The following GANAB variants were observed in gnomAD, a reference collection of about 807,000 sequenced individuals.
GANAB encodes the protein neutral alpha-glucosidase AB.
GANAB carries 35 observed loss-of-function variants against 129.9 expected under a neutral mutation model. The observed-to-expected ratio is 0.27, with a 90% CI of 0.21 to 0.36. The LOEUF (loss-of-function observed/expected upper bound fraction) is 0.36, where lower values mean the gene tolerates loss of function less well. Ranked by LOEUF, GANAB falls within the 10% of genes least tolerant of loss-of-function variation. The pLI is 1.00. For synonymous variants in GANAB, 482 were observed against 451.8 expected, an observed-to-expected ratio of 1.07 and a Z score of -0.85; for missense variants, 939 against 1,221.0, an observed-to-expected ratio of 0.77 and a Z score of 3.44.
At chr11:62,632,805 C>A in intron 8 of GANAB, 60 bp from the exon 9 acceptor site, 1 of 1,301,040 alleles carries the variant, frequency 7.7e-7, no homozygotes, top group South Asian at 1.2e-5. Flanking sequence ...TATATGCTAA[C>A]ACCACTCCAC....
chr11:62,645,586 C>T (rs575729608), intron 1 of GANAB, among the ~76,000 whole-genome samples: 1 of 151,858 alleles, frequency 6.6e-6, no homozygotes, highest in African/African-American at 2.4e-5. Flanking sequence ...CTCTGGGGCC[C>T]TATTTGCACA....
chr11:62,639,311 C>G (rs1235919000), intron 3 of GANAB, 48 bp downstream of exon 3: 1 of 1,345,958 alleles, frequency 7.4e-7, no homozygotes, highest in Middle Eastern at 1.8e-4. Flanking sequence ...CAAATTACCC[C>G]ACAGCCATTG....
At position 62,633,114 on chromosome 11, in the gene GANAB, C is replaced by G. The variant is rs1943767151; in HGVS notation, c.719-13G>C. The G allele has an allele frequency of 6.2e-7, 1 of 1,607,862 alleles. No individual in the cohort carries two copies. Among genetic ancestry groups the G allele is most frequent in the Admixed American group, 1.7e-5 (1 of 59,992 alleles). On this transcript the variant is annotated splice_polypyrimidine_tract_variant and intron_variant, in intron 7 of 23. Coordinates refer to ENST00000356638, the MANE Select transcript of GANAB (RefSeq NM_198334.3). The stretch of plus-strand genomic sequence containing the variant: ...ACAGACATGGGGCCTGGAAGAAAAA[C>G]AAACAAGCTTCAGAGCTTCTGCTTG...
chr11:62,634,056 G>A (rs561536605), intron 5 of GANAB: 2 of 462,306 alleles, frequency 4.3e-6, no homozygotes, highest in Admixed American at 7.6e-5. Context: ...CCCAGCAATA[G>A]GCAGCATCTC....
At position 62,629,855 on chromosome 11, in the gene GANAB, A is replaced by C; in HGVS notation, c.1696T>G (p.Trp566Gly). ...ATGTTATGCACATCCCGGTGCTCCCAGCCCCCATAATGCTGGGCATCCTTG... is the reference window on the plus strand; with the variant it reads ...ATGTTATGCACATCCCGGTGCTCCCCGCCCCCATAATGCTGGGCATCCTTG... ...MLKDAQHYGG[W>G]EHRDVHNIYG... The change falls in exon 14 of 24, where the codon TGG (tryptophan) becomes GGG (glycine). Residue 566 changes from tryptophan (W) to glycine (G), a missense_variant. By Grantham distance (184) the Trp-to-Gly change is radical. Transcript: ENST00000356638. 6.2e-7 allele frequency: 1 copy of C among 1,614,100 alleles called. No individual in the cohort carries two copies.
chr11:62,634,286 C>T (rs762794452), intron 5 of GANAB: 3 of 1,491,514 alleles, frequency 2.0e-6, no homozygotes, highest in East Asian at 4.5e-5. Context: ...GGAACAGATA[C>T]AGTACCGGTG....
chr11:62,639,751 G>A lies in GANAB; in HGVS notation c.39-20C>T, dbSNP rs1457044116. On this transcript the variant is annotated intron_variant, in intron 1 of 23. Coordinates refer to ENST00000356638, the MANE Select transcript of GANAB (RefSeq NM_198334.3). The stretch of plus-strand genomic sequence containing the variant: ...CAAGACCTAAGGAGAAAAGGACAAA[G>A]ACAGAGCAATCAGCATGGAGGTCAG... 1.9e-6 allele frequency: 3 copies of A among 1,554,962 alleles called. No individual in the cohort carries two copies. Among genetic ancestry groups the A allele is most frequent in the Non-Finnish European group, 2.7e-6 (3 of 1,126,082 alleles).
At chr11:62,638,445 G>T (rs1252070946) in intron 4 of GANAB, among the ~76,000 whole-genome samples, 2 of 152,070 alleles carry the variant, frequency 1.3e-5, no homozygotes, top group African/African-American at 4.8e-5. Context: ...GAGCCACCAT[G>T]CCCGGCCACT....
At chr11:62,646,168 C>T (rs1446166324) in intron 1 of GANAB, among the ~76,000 whole-genome samples, 2 of 152,212 alleles carry the variant, frequency 1.3e-5, no homozygotes, top group African/African-American at 4.8e-5. Flanking sequence ...AGCCGAGGGG[C>T]CGCGGGGCCG....
Position 62,625,213 on chromosome 11 carries a change from C to A in GANAB, c.*602G>T, listed in dbSNP as rs1485393159. On this transcript the variant is annotated 3_prime_UTR_variant, in exon 24 of 24. Transcript: ENST00000356638. ...GAATTGCAGCAGCTCTACAAGGAAT[C>A]GGGGAGAGGAAAAGGGTAGAATGAG... 4.4e-6 allele frequency: 2 copies of A among 454,470 alleles called. No individual in the cohort carries two copies. Among genetic ancestry groups the A allele is most frequent in the Non-Finnish European group, 8.8e-6 (2 of 226,772 alleles). 28.2% of individuals were successfully genotyped at this position (454,470 alleles called of 1,614,324 possible).
intron 4 of GANAB, among the ~76,000 whole-genome samples, chr11:62,635,682 G>C (rs1193015901): frequency 3.3e-5 from 5 of 150,664 alleles, no homozygotes; most frequent in Admixed American, 6.6e-5. Flanking sequence ...CTGGAGCACA[G>C]TGGCACAACC....
rs1013947232 is a variant in GANAB, at chr11:62,625,984, G to A, written c.2726-60C>T. 5.6e-5 allele frequency: 82 copies of A among 1,455,810 alleles called. 1 individual carries two copies. In the African/African-American group the frequency reaches 7.0e-4, roughly 12 times the overall value. 90.2% of individuals were successfully genotyped at this position (1,455,810 alleles called of 1,614,324 possible). A position where few individuals can be genotyped will look rare whatever the true frequency, so the allele number is the denominator to read the frequency against. On this transcript the variant is annotated intron_variant, in intron 23 of 23. Transcript: ENST00000356638. ...CAATGGGCTATAGCATAACAACAAC[G>A]TTCCTACAGGCAAGGGCATCCCTAA...
intron 11 of GANAB, 32 bp from the exon 12 acceptor site, chr11:62,630,537 C>A (rs767286321): frequency 6.2e-7 from 1 of 1,614,018 alleles, no homozygotes; most frequent in Admixed American, 1.7e-5. Context: ...GTTCAGGTCT[C>A]TTTAAGGCTA....
At chr11:62,644,430 G>A (rs1323703922) in intron 1 of GANAB, among the ~76,000 whole-genome samples, 2 of 151,756 alleles carry the variant, frequency 1.3e-5, no homozygotes, top group African/African-American at 4.8e-5. Flanking sequence ...GGAAGATTGG[G>A]CAACACAGCA....
Position 62,629,350 on chromosome 11 carries a change from A to G in GANAB, c.1835-55T>C, listed in dbSNP as rs1008921290. On this transcript the variant is annotated intron_variant, in intron 15 of 23. Coordinates refer to ENST00000356638, the MANE Select transcript of GANAB (RefSeq NM_198334.3). ...ACATGGTAAAGGAGTTCAGCTTTTT[A>G]CATGGCTGACCTCCCACATCCGCTC... 8 of 1,234,904 alleles carry G rather than the reference A, an allele frequency of 6.5e-6. No individual in the cohort carries two copies. In the Admixed American group the frequency reaches 1.3e-4, roughly 21 times the overall value. 76.5% of individuals were successfully genotyped at this position (1,234,904 alleles called of 1,614,324 possible).
At chr11:62,638,231 G>A (rs1039638539) in intron 4 of GANAB, among the ~76,000 whole-genome samples, 2 of 152,138 alleles carry the variant, frequency 1.3e-5, no homozygotes, top group African/African-American at 4.8e-5. Context: ...TCGGCTCACT[G>A]CAACCTCTGC....
chr11:62,626,023 TC>T (rs965565674), intron 23 of GANAB, 41 bp downstream of exon 23: 1 of 1,520,180 alleles, frequency 6.6e-7, no homozygotes, highest in African/African-American at 1.4e-5. Context: ...TGCCCCGGCT[TC>T]CCCTCCTTCC....
At chr11:62,640,245 A>AAAAAAAAAAAAAAAAAAAAAC (rs1944175259) in intron 1 of GANAB, among the ~76,000 whole-genome samples, 2 of 87,274 alleles carry the variant, frequency 2.3e-5, no homozygotes, top group African/African-American at 7.6e-5. Context: ...AAAAAAAAAA[A>AAAAAAAAAAAAAAAAAAAAAC]AAAAAAAGCC....
chr11:62,633,297 C>T, intron 6 of GANAB, 26 bp from the exon 7 acceptor site: 1 of 1,581,628 alleles, frequency 6.3e-7, no homozygotes, highest in Non-Finnish European at 8.7e-7. Flanking sequence ...GAGGACCACT[C>T]TCCAATCATA....
Sources: allele counts gnomAD v4.1 joint callset (sites outside exome capture counted in the v4.1 genomes callset), GRCh38; gene constraint gnomAD v4.1.1; transcripts MANE v1.5; gene names NCBI Gene and HGNC (gene_info 2026-07-23, HGNC 2026-07-21).